FER1L6: variants seen among roughly 807,000 people sequenced by gnomAD.
The protein encoded by FER1L6 is fer-1 like family member 6, also known as fer-1-like protein 6.
Under a neutral mutation model 219.2 loss-of-function variants are expected in FER1L6, and 177 were observed. The observed-to-expected ratio is 0.81, with a 90% CI of 0.71 to 0.91. The LOEUF (loss-of-function observed/expected upper bound fraction) is 0.91. Ranked by LOEUF, FER1L6 falls within the 40% of genes least tolerant of loss-of-function variation. FER1L6 has a pLI of 0.00. For synonymous variants in FER1L6, 768 were observed against 824.3 expected, an observed-to-expected ratio of 0.93 and a Z score of 1.17; for missense variants, 2,153 against 2,259.9, an observed-to-expected ratio of 0.95 and a Z score of 0.96.
chr8:124,103,794 C>G (rs1470301644), intron 39 of FER1L6, among the ~76,000 whole-genome samples: 1 of 152,216 alleles, frequency 6.6e-6, no homozygotes, highest in Non-Finnish European at 1.5e-5. Flanking sequence ...ATTGGGAAGA[C>G]AGTTTCTTCT....
intron 39 of FER1L6, among the ~76,000 whole-genome samples, chr8:124,112,271 C>T (rs1052521809): frequency 1.3e-5 from 2 of 152,190 alleles, no homozygotes; most frequent in African/African-American, 4.8e-5. Context: ...CCACTGCCAC[C>T]TGCCAGATTT....
At chr8:123,867,442 C>G (rs1816854830) in intron 1 of FER1L6, among the ~76,000 whole-genome samples, 3 of 152,080 alleles carry the variant, frequency 2.0e-5, no homozygotes, top group Admixed American at 2.0e-4. Context: ...GACTCTGACC[C>G]CAGTGTTCTC....
At chr8:123,950,193 T>C (rs1213055820) in intron 1 of FER1L6, among the ~76,000 whole-genome samples, 1 of 152,156 alleles carries the variant, frequency 6.6e-6, no homozygotes, top group Non-Finnish European at 1.5e-5. Flanking sequence ...GACTTGCCAA[T>C]ATTTGTTTCT....
intron 1 of FER1L6, among the ~76,000 whole-genome samples, chr8:123,893,412 C>A (rs949058478): frequency 5.9e-5 from 9 of 152,096 alleles, no homozygotes; most frequent in African/African-American, 2.2e-4. Flanking sequence ...TGACTTTTTT[C>A]TGTTTGAAAT....
At chr8:123,931,998 T>C (rs547177030) in intron 1 of FER1L6, among the ~76,000 whole-genome samples, 1 of 152,350 alleles carries the variant, frequency 6.6e-6, no homozygotes, top group Non-Finnish European at 1.5e-5. Flanking sequence ...CAATTCTTTT[T>C]TGAATAAGGA....
intron 30 of FER1L6, among the ~76,000 whole-genome samples, chr8:124,071,216 C>T (rs530628065): frequency 3.9e-5 from 6 of 152,106 alleles, no homozygotes; most frequent in South Asian, 2.1e-4. Context: ...GCACTAGCAC[C>T]GCACCCCACA....
Position 123,986,101 on chromosome 8 carries a change from T to C in FER1L6, c.1444T>C (p.Phe482Leu). 6.2e-7 allele frequency: 1 copy of C among 1,613,486 alleles called. No homozygotes were observed. The highest frequency in any genetic ancestry group is 1.1e-5 in the South Asian group (1 of 91,052). The change falls in exon 12 of 41, where the codon TTT (phenylalanine) becomes CTT (leucine). Residue 482 changes from phenylalanine to leucine, a missense_variant. Phe to Leu is a conservative substitution (Grantham distance 22, BLOSUM62 0). Coordinates refer to ENST00000522917, the MANE Select transcript of FER1L6 (RefSeq NM_001039112.2). ...AGAAAAAAATGAGGAATTTTTACTC[T>C]TTGGAGCATTTTTTGAAGCTACCAT... Reference protein sequence around the residue: ...VPEKNEEFLLFGAFFEATMID... With the variant: ...VPEKNEEFLLLGAFFEATMID...
Position 124,111,505 on chromosome 8 carries a change from G to C in FER1L6, c.5290-7339G>C, listed in dbSNP as rs138709913. Among the ~76,000 whole-genome samples, 828 of 152,318 alleles carry C rather than the reference G, an allele frequency of 5.4e-3. 7 individuals are homozygous for C. Among genetic ancestry groups the C allele is most frequent in the African/African-American group, 0.019 (801 of 41,564 alleles). On this transcript the variant is annotated intron_variant, in intron 39 of 40. Transcript: ENST00000522917. The surrounding 1 kb of genome is among the most constrained non-coding windows in gnomAD (Gnocchi z 5.0). The stretch of plus-strand genomic sequence containing the variant: ...GGAATTCAGGGCAAGTCTGTAAAGA[G>C]AAAGCAAGTTTATTAAGAAAGTAAA...
At chr8:123,962,903 C>T (rs575057961) in intron 2 of FER1L6, among the ~76,000 whole-genome samples, 3 of 152,292 alleles carry the variant, frequency 2.0e-5, no homozygotes, top group African/African-American at 7.2e-5. Flanking sequence ...GCTCGGATTA[C>T]AGGTGTGAGC....
rs548039508 is a variant in FER1L6, at chr8:123,890,211, G to T, written c.-8+38026G>T. The stretch of plus-strand genomic sequence containing the variant: ...GCCCTAAAGTACTTACTGGTCATGT[G>T]CCTACAGCAAATTTCTTAATGGCAC... On this transcript the variant is annotated intron_variant, in intron 1 of 40. Coordinates refer to ENST00000522917, the MANE Select transcript of FER1L6 (RefSeq NM_001039112.2). 6.6e-5 allele frequency among the ~76,000 whole-genome samples: 10 copies of T among 152,134 alleles called. 1 individual carries two copies. The highest frequency in any genetic ancestry group is 2.4e-4 in the African/African-American group (10 of 41,540).
chr8:123,909,760 TG>T (rs1813018775), intron 1 of FER1L6, among the ~76,000 whole-genome samples: 2 of 7,792 alleles, frequency 2.6e-4, no homozygotes, highest in African/African-American at 1.7e-3. Context: ...TAGCTGTCCT[TG>T]TCAACTAGGG....
At chr8:124,010,234 C>T (rs562379310) in intron 13 of FER1L6, among the ~76,000 whole-genome samples, 20 of 152,060 alleles carry the variant, frequency 1.3e-4, no homozygotes, top group Admixed American at 4.6e-4. Flanking sequence ...GTTTGAGGGT[C>T]GTGGAGCTGC....
chr8:124,004,187 T>C (rs957783333), intron 13 of FER1L6: 2 of 151,678 alleles, frequency 1.3e-5, no homozygotes, highest in African/African-American at 4.8e-5. Context: ...TGGGGGCACT[T>C]ACATGTACTC....
chr8:123,862,524 C>T, intron 1 of FER1L6, among the ~76,000 whole-genome samples: 1 of 140,296 alleles, frequency 7.1e-6, no homozygotes, highest in Admixed American at 7.0e-5. Flanking sequence ...ACCTCTTTTT[C>T]TATTGATTGG....
chr8:123,985,747 C>T, intron 11 of FER1L6: 1 of 215,632 alleles, frequency 4.6e-6, no homozygotes, highest in South Asian at 9.9e-5. Flanking sequence ...GAAGGTAATT[C>T]CAAACCCGTG....
rs201534651 is a variant in FER1L6 at position 124,119,573 on chromosome 8, C to A, written c.5391-34C>A. The A allele has an allele frequency of 5.4e-4, 734 of 1,366,038 alleles. 1 individual carries two copies. The highest frequency in any genetic ancestry group is 1.1e-3 in the Middle Eastern group (6 of 5,568). The allele number at this position is 1,366,038 out of a possible 1,614,324, so 84.6% of individuals were successfully genotyped here. A position where few individuals can be genotyped will look rare whatever the true frequency, so the allele number is the denominator to read the frequency against. On this transcript the variant is annotated intron_variant, in intron 40 of 40. Coordinates refer to ENST00000522917, the MANE Select transcript of FER1L6 (RefSeq NM_001039112.2). The stretch of plus-strand genomic sequence containing the variant: ...AAGCATTCTGAGTGTTGACAGGATG[C>A]CCCCTTTTTGATTTTCTCTTCCTTC...
intron 22 of FER1L6, among the ~76,000 whole-genome samples, chr8:124,050,284 C>T (rs1271997724): frequency 6.6e-6 from 1 of 152,156 alleles, no homozygotes; most frequent in Non-Finnish European, 1.5e-5. Flanking sequence ...GCCTTTTGCT[C>T]CTTACACTAT....
chr8:123,962,212 G>A (rs1456723790), intron 2 of FER1L6, among the ~76,000 whole-genome samples: 2 of 152,066 alleles, frequency 1.3e-5, no homozygotes, highest in East Asian at 3.9e-4. Flanking sequence ...TTTATCAGGA[G>A]AAAGTCACTG....
intron 1 of FER1L6, among the ~76,000 whole-genome samples, chr8:123,897,041 C>T (rs10956153): frequency 0.3 from 46,299 of 152,062 alleles, 7,984 homozygotes; most frequent in Middle Eastern, 0.41. Context: ...TTTGGTCACC[C>T]TTGATTCTTT....
Sources: gnomAD v4.1 joint callset for allele counts (sites outside exome capture counted in the v4.1 genomes callset) on GRCh38, gnomAD v4.1.1 for gene constraint, Gnocchi (gnomAD v3.1) non-coding constraint, MANE v1.5 for transcripts, NCBI Gene and HGNC (gene_info 2026-07-23, HGNC 2026-07-21) for gene names.